The following WDR19 variants were observed in gnomAD, a reference collection of about 807,000 sequenced individuals.
WDR19 encodes WD repeat domain 19, also known as WD repeat-containing protein 19.
WDR19 carries 121 observed loss-of-function variants against 180.0 expected under a neutral mutation model. The ratio of observed to expected loss-of-function variants is 0.67; its 90% confidence interval spans 0.58 to 0.78. The LOEUF (loss-of-function observed/expected upper bound fraction) is 0.78, where lower values mean the gene tolerates loss of function less well. Ranked by LOEUF, WDR19 falls within the 30% of genes least tolerant of loss-of-function variation. WDR19 has a pLI of 0.00. For synonymous variants in WDR19, 497 were observed against 540.7 expected (o/e 0.92, Z 1.12); for missense variants, 1,450 against 1,640.7 (o/e 0.88, Z 2.01).
intron 9 of WDR19, among the ~76,000 whole-genome samples, chr4:39,209,888 A>G (rs1728319662): frequency 6.6e-6 from 1 of 152,254 alleles, no homozygotes; most frequent in Non-Finnish European, 1.5e-5. Flanking sequence ...AAGGAATACT[A>G]CAAACAATTT....
intron 19 of WDR19, among the ~76,000 whole-genome samples, chr4:39,233,848 T>C (rs1026393902): frequency 1.3e-5 from 2 of 152,220 alleles, no homozygotes; most frequent in Non-Finnish European, 2.9e-5. Flanking sequence ...CATTTAACTG[T>C]GGGCACTTGT....
At chr4:39,267,009 G>GCTT (rs1734865690) in intron 29 of WDR19, among the ~76,000 whole-genome samples, 2 of 152,228 alleles carry the variant, frequency 1.3e-5, no homozygotes, top group African/African-American at 4.8e-5. Flanking sequence ...CTTGAAGCCA[G>GCTT]GAGGCAGAGG....
intron 36 of WDR19, among the ~76,000 whole-genome samples, chr4:39,282,006 C>G (rs1397353923): frequency 2.6e-5 from 4 of 152,154 alleles, no homozygotes; most frequent in Non-Finnish European, 5.9e-5. Flanking sequence ...TACAATCTCT[C>G]CCTTCAGGTA....
chr4:39,254,000 A>C lies in WDR19; in HGVS notation c.2971A>C (p.Asn991His), dbSNP rs1387129500. ...AGCTTTCACACTGGCTCAGCAACAC[A>C]ACAAAATGGAAATCTATGCAGATAT... Reference protein sequence around the residue: ...NEAFTLAQQHNKMEIYADIIG... With the variant: ...NEAFTLAQQHHKMEIYADIIG... The change falls in exon 26 of 37, where the codon AAC becomes CAC. Residue 991 changes from asparagine to histidine, a missense_variant. Coordinates refer to ENST00000399820, the MANE Select transcript of WDR19 (RefSeq NM_025132.4). 1.2e-6 allele frequency: 2 copies of C among 1,612,478 alleles called. No homozygotes were observed. Among genetic ancestry groups the C allele is most frequent in the South Asian group, 1.1e-5 (1 of 90,936 alleles).
chr4:39,270,004 C>T lies in WDR19; in HGVS notation c.3387C>T (p.Leu1129=). The stretch of plus-strand genomic sequence containing the variant: ...ACTACCGGAATGCACACGATGTTCT[C>T]TTCAGTATGTATGCAGAACTGAAAT... The part of the protein sequence containing the change: ...AGNYRNAHDV[L]FSMYAELKSQ... Residue 1129 remains leucine (L), a synonymous_variant, in exon 31 of 37, where the codon CTC becomes CTT. Coordinates refer to ENST00000399820, the MANE Select transcript of WDR19 (RefSeq NM_025132.4). 1 of 1,613,884 alleles carries T rather than the reference C, an allele frequency of 6.2e-7. No individual in the cohort carries two copies. Among genetic ancestry groups the T allele is most frequent in the Non-Finnish European group, 8.5e-7 (1 of 1,179,866 alleles).
chr4:39,194,850 G>A, intron 5 of WDR19, 191 bp downstream of exon 5: 1 of 550,554 alleles, frequency 1.8e-6, no homozygotes. Flanking sequence ...AACTTGCCAG[G>A]GTACATAGAA....
chr4:39,194,776 C>T (rs112819127), intron 5 of WDR19, 117 bp downstream of exon 5: 111 of 675,850 alleles, frequency 1.6e-4, no homozygotes, highest in Middle Eastern at 7.4e-4. Context: ...AACCCCCTCC[C>T]CATGTCCCTC....
intron 24 of WDR19, among the ~76,000 whole-genome samples, chr4:39,246,084 T>A (rs1277849117): frequency 6.6e-6 from 1 of 152,252 alleles, no homozygotes; most frequent in Non-Finnish European, 1.5e-5. Flanking sequence ...TTGTATTTGA[T>A]GTAAACATGA....
chr4:39,277,518 G>A (rs1035820481), intron 34 of WDR19, among the ~76,000 whole-genome samples: 3 of 152,126 alleles, frequency 2.0e-5, no homozygotes, highest in Non-Finnish European at 2.9e-5. Flanking sequence ...TTGAGACCTA[G>A]TATCAGAGAA....
Position 39,189,793 on chromosome 4 carries a change from T to G in WDR19, c.290+12T>G. The G allele has an allele frequency of 6.3e-7, 1 of 1,586,258 alleles. No individual in the cohort carries two copies. The highest frequency in any genetic ancestry group is 2.3e-5 in the East Asian group (1 of 43,904). ...GACAATGGCATGAGGTAAGATAACT[T>G]TTTAATTTTTTAAAGCTTCACTTAG... is the stretch of plus-strand genomic sequence containing the variant. On this transcript the variant is annotated intron_variant, in intron 4 of 36. Transcript: ENST00000399820.
chr4:39,189,855 T>A, intron 4 of WDR19, 74 bp downstream of exon 4: 1 of 1,446,522 alleles, frequency 6.9e-7, no homozygotes, highest in Non-Finnish European at 9.2e-7. Flanking sequence ...CTAACAATTC[T>A]TTACTACTTT....
At chr4:39,216,320 C>A in intron 12 of WDR19, 110 bp downstream of exon 12, 2 of 861,158 alleles carry the variant, frequency 2.3e-6, no homozygotes, top group South Asian at 1.8e-5. Context: ...TTTTTATTCA[C>A]ATATCTCATT....
At chr4:39,205,388 G>T (rs888964897) in intron 8 of WDR19, 122 bp downstream of exon 8, 12 of 1,192,606 alleles carry the variant, frequency 1.0e-5, no homozygotes, top group Non-Finnish European at 1.4e-5. Context: ...CACATTTTCT[G>T]ATTCATGGTC....
rs78053439 is a variant in WDR19, at chr4:39,205,080, G to A, written c.604-74G>A. On this transcript the variant is annotated intron_variant, in intron 7 of 36. Transcript: ENST00000399820. ...TTATTTTCACAAATTAGGTTCAGCTGTTGGATTTGCTTAATGGTCTTTTCA... is the reference window on the plus strand; with the variant it reads ...TTATTTTCACAAATTAGGTTCAGCTATTGGATTTGCTTAATGGTCTTTTCA... 1.1e-3 allele frequency: 1,178 copies of A among 1,061,644 alleles called. 5 individuals carry two copies. The African/African-American group carries it at 0.017, about 15-fold the overall frequency. 65.8% of individuals were successfully genotyped at this position (1,061,644 alleles called of 1,614,324 possible). A position where few individuals can be genotyped will look rare whatever the true frequency, so the allele number is the denominator to read the frequency against.
At chr4:39,238,638 C>A (rs1428674330) in intron 20 of WDR19, among the ~76,000 whole-genome samples, 1 of 152,134 alleles carries the variant, frequency 6.6e-6, no homozygotes, top group African/African-American at 2.4e-5. Context: ...ACTATGGAGT[C>A]CTAGGCTGAC....
intron 33 of WDR19, among the ~76,000 whole-genome samples, chr4:39,276,366 T>C (rs1465843176): frequency 6.6e-6 from 1 of 152,124 alleles, no homozygotes; most frequent in Non-Finnish European, 1.5e-5. Context: ...AAGATCATGT[T>C]TACCCCAACA....
chr4:39,185,882 TAGA>T, intron 2 of WDR19, 65 bp downstream of exon 2: 1 of 1,307,806 alleles, frequency 7.6e-7, no homozygotes. Flanking sequence ...ATCTACTCAG[TAGA>T]AGTTTTTTTT....
rs560935575 is a variant in WDR19 at position 39,275,231 on chromosome 4, T to C, written c.3716+273T>C. On this transcript the variant is annotated intron_variant, in intron 33 of 36. Coordinates refer to ENST00000399820, the MANE Select transcript of WDR19 (RefSeq NM_025132.4). ...GGTGCACACCTGTAGTCCCAGCTAC[T>C]CAGGAGGCTGGGGCAGGAGAATTGC... 7.6e-6 allele frequency: 3 copies of C among 394,164 alleles called. No homozygotes were observed. The East Asian group carries it at 1.8e-4, about 23-fold the overall frequency. The allele number at this position is 394,164 out of a possible 1,614,324, so 24.4% of individuals were successfully genotyped here. A position where few individuals can be genotyped will look rare whatever the true frequency, so the allele number is the denominator to read the frequency against.
At chr4:39,264,904 G>A (rs1734633544) in intron 28 of WDR19, among the ~76,000 whole-genome samples, 1 of 138,788 alleles carries the variant, frequency 7.2e-6, no homozygotes, top group African/African-American at 2.7e-5. Flanking sequence ...GATTTAACTC[G>A]CCTTTATGGA....
Sources: gnomAD v4.1 joint callset for allele counts (sites outside exome capture counted in the v4.1 genomes callset) on GRCh38, gnomAD v4.1.1 for gene constraint, MANE v1.5 for transcripts, NCBI Gene and HGNC (gene_info 2026-07-23, HGNC 2026-07-21) for gene names.